The following OR52E4 variants were observed in gnomAD, a reference collection of about 807,000 sequenced individuals.
OR52E4 encodes the protein olfactory receptor 52E4.
For missense variants in OR52E4, 444 were observed against 383.8 expected (o/e 1.16, Z -1.31); for synonymous variants, 169 against 137.4 (o/e 1.23, Z -1.61).
At position 5,884,439 on chromosome 11, in the gene OR52E4, T is replaced by C; in HGVS notation, c.147T>C (p.Phe49=). 2 of 1,613,520 alleles carry C rather than the reference T, an allele frequency of 1.2e-6. No individual in the cohort carries two copies. Among genetic ancestry groups the C allele is most frequent in the East Asian group, 2.2e-5 (1 of 44,848 alleles). ...TTGTGGGGAATATGACCATTCTCTT[T>C]GTGATCAAAACTGAACATAGTCTAC... ...IAIVGNMTIL[F]VIKTEHSLHQ... Residue 49 remains phenylalanine (F), a synonymous_variant, in exon 2 of 2, where the codon TTT becomes TTC. Coordinates refer to ENST00000641726, the MANE Select transcript of OR52E4 (RefSeq NM_001005165.2).
chr11:5,883,735 C>T (rs915680267), intron 1 of OR52E4, among the ~76,000 whole-genome samples: 2 of 151,988 alleles, frequency 1.3e-5, no homozygotes, highest in Non-Finnish European at 2.9e-5. Context: ...ACATCATTTA[C>T]AATTTCATTT....
intron 1 of OR52E4, among the ~76,000 whole-genome samples, chr11:5,883,985 C>T (rs1393288130): frequency 6.6e-6 from 1 of 151,914 alleles, no homozygotes; most frequent in Non-Finnish European, 1.5e-5. Context: ...AAGGGAATGC[C>T]GTAATATAAA....
chr11:5,884,225 G>C lies in OR52E4; in HGVS notation c.-68G>C. 2 of 1,120,086 alleles carry C rather than the reference G, an allele frequency of 1.8e-6. No individual in the cohort carries two copies. The highest frequency in any genetic ancestry group is 2.6e-6 in the Non-Finnish European group (2 of 762,864). The allele number at this position is 1,120,086 out of a possible 1,614,324, so 69.4% of individuals were successfully genotyped here. A position where few individuals can be genotyped will look rare whatever the true frequency, so the allele number is the denominator to read the frequency against. ...AGTCTTTCTGTTTCTTCAGGAACTTGACAAGAGAGGACCTTAAAGAAAGTG... is the reference window on the plus strand; with the variant it reads ...AGTCTTTCTGTTTCTTCAGGAACTTCACAAGAGAGGACCTTAAAGAAAGTG... On this transcript the variant is annotated 5_prime_UTR_variant, in exon 2 of 2. Coordinates refer to ENST00000641726, the MANE Select transcript of OR52E4 (RefSeq NM_001005165.2).
rs1428795630 is a variant in OR52E4 at position 5,885,938 on chromosome 11, A to G, written c.*707A>G. 9 of 152,130 alleles carry G rather than the reference A, an allele frequency of 5.9e-5. No homozygotes were observed. The highest frequency in any genetic ancestry group is 2.2e-4 in the African/African-American group (9 of 41,442). The allele number at this position is 152,130 out of a possible 1,614,324, so 9.4% of individuals were successfully genotyped here. A position where few individuals can be genotyped will look rare whatever the true frequency, so the allele number is the denominator to read the frequency against. ...AGACCCACCTTCAATCTGGGTGGGCACCATCTAATCAGCTGCCAACGCAGC... is the reference window on the plus strand; with the variant it reads ...AGACCCACCTTCAATCTGGGTGGGCGCCATCTAATCAGCTGCCAACGCAGC... On this transcript the variant is annotated 3_prime_UTR_variant, in exon 2 of 2. Coordinates refer to ENST00000641726, the MANE Select transcript of OR52E4 (RefSeq NM_001005165.2).
chr11:5,882,723 ACT>A (rs952891717), intron 1 of OR52E4, among the ~76,000 whole-genome samples: 1 of 149,348 alleles, frequency 6.7e-6, no homozygotes, highest in East Asian at 2.0e-4. Flanking sequence ...TCTCTCTCTC[ACT>A]CTCTGTCTCT....
At chr11:5,881,306 C>T (rs1447420831) in intron 1 of OR52E4, among the ~76,000 whole-genome samples, 8 of 152,062 alleles carry the variant, frequency 5.3e-5, no homozygotes, top group African/African-American at 1.9e-4. Context: ...ATTGTAAGCA[C>T]AATACCCCTG....
At chr11:5,883,834 C>T (rs890252414) in intron 1 of OR52E4, among the ~76,000 whole-genome samples, 1 of 151,844 alleles carries the variant, frequency 6.6e-6, no homozygotes, top group Non-Finnish European at 1.5e-5. Flanking sequence ...TAAAAATTTT[C>T]TATTATAAAA....
rs535315696 is a variant in OR52E4, at chr11:5,884,526, C to G, written c.234C>G (p.Ser78=). 5 of 1,613,524 alleles carry G rather than the reference C, an allele frequency of 3.1e-6. No homozygotes were observed. In the South Asian group the frequency reaches 5.5e-5, roughly 18 times the overall value. The change falls in exon 2 of 2, where the codon TCC becomes TCG. Residue 78 remains serine (S), a synonymous_variant. Coordinates refer to ENST00000641726, the MANE Select transcript of OR52E4 (RefSeq NM_001005165.2). ...TGATTGATCTGGGTCTGTCCACATCCACTATCCCCAAAATGCTAGGAATCT... is the reference window on the plus strand; with the variant it reads ...TGATTGATCTGGGTCTGTCCACATCGACTATCCCCAAAATGCTAGGAATCT... ...LSMIDLGLST[S]TIPKMLGIFW...
chr11:5,884,647 G>T lies in OR52E4; in HGVS notation c.355G>T (p.Val119Phe). Residue 119 changes from valine (V) to phenylalanine (F), a missense_variant, in exon 2 of 2, where the codon GTC becomes TTC. Transcript: ENST00000641726. Reference protein sequence around the residue: ...FTGMETVLLVVMAYDRFVAIC... With the variant: ...FTGMETVLLVFMAYDRFVAIC... ...AGGCATGGAGACTGTTCTGTTGGTGGTCATGGCTTATGACCGCTTTGTTGC... is the reference window on the plus strand; with the variant it reads ...AGGCATGGAGACTGTTCTGTTGGTGTTCATGGCTTATGACCGCTTTGTTGC... The T allele has an allele frequency of 6.2e-7, 1 of 1,613,498 alleles. No homozygotes were observed. Among genetic ancestry groups the T allele is most frequent in the Non-Finnish European group, 8.5e-7 (1 of 1,179,706 alleles).
chr11:5,881,797 T>C (rs1846966919), intron 1 of OR52E4, among the ~76,000 whole-genome samples: 1 of 152,072 alleles, frequency 6.6e-6, no homozygotes, highest in African/African-American at 2.4e-5. Context: ...ACATTAGTTA[T>C]AATTTATCAT....
At position 5,885,209 on chromosome 11, in the gene OR52E4, A is replaced by T; in HGVS notation, c.917A>T (p.Lys306Ile). The T allele has an allele frequency of 6.3e-7, 1 of 1,595,472 alleles. No individual in the cohort carries two copies. Among genetic ancestry groups the T allele is most frequent in the Non-Finnish European group, 8.5e-7 (1 of 1,170,868 alleles). ...RTKQIREQIV[K>I]IFVQKE is the part of the protein sequence containing the mutation. ...AAGCAGATCCGAGAGCAAATTGTGA[A>T]AATATTTGTACAGAAAGAATAATTC... is the stretch of plus-strand genomic sequence containing the variant. Residue 306 changes from lysine to isoleucine, a missense_variant, in exon 2 of 2, where the codon AAA (lysine) becomes ATA (isoleucine). Physicochemically the swap from Lys to Ile is moderately radical, Grantham distance 102. Transcript: ENST00000641726.
At position 5,885,161 on chromosome 11, in the gene OR52E4, C is replaced by T. The variant is rs199594702; in HGVS notation, c.869C>T (p.Pro290Leu). ...GTGGTTGTCCCACCTGCCCTTAACC[C>T]TGTCATTTATGGAGTCAGGACCAAG... is the stretch of plus-strand genomic sequence containing the variant. ...LYVVVPPALNPVIYGVRTKQI... is the reference protein window; with the variant it reads ...LYVVVPPALNLVIYGVRTKQI... Residue 290 changes from proline (P) to leucine (L), a missense_variant, in exon 2 of 2, where the codon CCT (proline) becomes CTT (leucine). Physicochemically the swap from Pro to Leu is moderately conservative, Grantham distance 98. Coordinates refer to ENST00000641726, the MANE Select transcript of OR52E4 (RefSeq NM_001005165.2). 5.9e-5 allele frequency: 95 copies of T among 1,613,240 alleles called. No individual in the cohort carries two copies. The African/African-American group carries it at 1.2e-3, about 20-fold the overall frequency.
At chr11:5,882,386 A>G (rs1027124114) in intron 1 of OR52E4, among the ~76,000 whole-genome samples, 3 of 152,114 alleles carry the variant, frequency 2.0e-5, no homozygotes, top group Admixed American at 1.3e-4. Flanking sequence ...CTCACAACAC[A>G]TCATCCTAGC....
In OR52E4 at chr11:5,885,369, C is replaced by G. The variant is rs1016400692; in HGVS notation, c.*138C>G. 1 of 617,866 alleles carries G rather than the reference C, an allele frequency of 1.6e-6. No homozygotes were observed. The highest frequency in any genetic ancestry group is 1.9e-5 in the African/African-American group (1 of 53,992). The allele number at this position is 617,866 out of a possible 1,614,324, so 38.3% of individuals were successfully genotyped here. ...TTGACTGGAAGTGCTTTAGTGTTGA[C>G]AGATAATGCAAACTTAAAACCTTTG... On this transcript the variant is annotated 3_prime_UTR_variant, in exon 2 of 2. Transcript: ENST00000641726.
chr11:5,882,235 G>A (rs956990401), intron 1 of OR52E4, among the ~76,000 whole-genome samples: 2 of 152,058 alleles, frequency 1.3e-5, no homozygotes, highest in Non-Finnish European at 1.5e-5. Flanking sequence ...CTGTGAGAGG[G>A]TGGATGTGCT....
In OR52E4 at chr11:5,883,815, G is replaced by A. The variant is rs564982746; in HGVS notation, c.-74-404G>A. On this transcript the variant is annotated intron_variant, in intron 1 of 1. Transcript: ENST00000641726. ...TATGTACTTATGAGAGAATGAGAGT[G>A]AGAATGGCTAAAAATTTTCTATTAT... Among the ~76,000 whole-genome samples, 3 of 151,994 alleles carry A rather than the reference G, an allele frequency of 2.0e-5. No homozygotes were observed. In the South Asian group the frequency reaches 6.2e-4, roughly 32 times the overall value.
In OR52E4 at chr11:5,886,712, CAGA is replaced by C. The variant is rs1193024793; in HGVS notation, c.*1487_*1489del. 2.0e-5 allele frequency: 3 copies of C among 152,008 alleles called. No individual in the cohort carries two copies. The highest frequency in any genetic ancestry group is 2.1e-4 in the South Asian group (1 of 4,822). The allele number at this position is 152,008 out of a possible 1,614,324, so 9.4% of individuals were successfully genotyped here. A position where few individuals can be genotyped will look rare whatever the true frequency, so the allele number is the denominator to read the frequency against. ...TATCAGGGTACTCATGCTTCAAAAT[CAGA>C]AGAAGTCTCCCTCATGTTCTATAAT... On this transcript the variant is annotated 3_prime_UTR_variant, in exon 2 of 2. Coordinates refer to ENST00000641726, the MANE Select transcript of OR52E4 (RefSeq NM_001005165.2).
chr11:5,884,636 T>C lies in OR52E4; in HGVS notation c.344T>C (p.Val115Ala). Reference sequence around the variant, plus strand: ...CACATGTTTACAGGCATGGAGACTGTTCTGTTGGTGGTCATGGCTTATGAC... The same window carrying C: ...CACATGTTTACAGGCATGGAGACTGCTCTGTTGGTGGTCATGGCTTATGAC... ...FIHMFTGMET[V>A]LLVVMAYDRF... Residue 115 changes from valine (V) to alanine (A), a missense_variant, in exon 2 of 2, where the codon GTT becomes GCT. Coordinates refer to ENST00000641726, the MANE Select transcript of OR52E4 (RefSeq NM_001005165.2). 2 of 1,613,546 alleles carry C rather than the reference T, an allele frequency of 1.2e-6. No homozygotes were observed. The highest frequency in any genetic ancestry group is 1.7e-6 in the Non-Finnish European group (2 of 1,179,710).
At position 5,884,957 on chromosome 11, in the gene OR52E4, T is replaced by C. The variant is rs758378209; in HGVS notation, c.665T>C (p.Ile222Thr). Residue 222 changes from isoleucine (I) to threonine (T), a missense_variant, in exon 2 of 2, where the codon ATC becomes ACC. Coordinates refer to ENST00000641726, the MANE Select transcript of OR52E4 (RefSeq NM_001005165.2). The part of the protein sequence containing the change: ...VILIASSYVL[I>T]LRAVFRLPSQ... ...TTAATTGCCTCTTCCTATGTGCTTA[T>C]CCTTAGAGCTGTTTTTCGCCTTCCC... is the stretch of plus-strand genomic sequence containing the variant. 1 of 1,612,934 alleles carries C rather than the reference T, an allele frequency of 6.2e-7. No homozygotes were observed. The highest frequency in any genetic ancestry group is 8.5e-7 in the Non-Finnish European group (1 of 1,179,068).
Sources: gnomAD v4.1 joint callset for allele counts (sites outside exome capture counted in the v4.1 genomes callset) on GRCh38, gnomAD v4.1.1 for gene constraint, MANE v1.5 for transcripts, NCBI Gene and HGNC (gene_info 2026-07-23, HGNC 2026-07-21) for gene names.